Variants in CPS1 observed in about 807,000 individuals in gnomAD.
The protein encoded by CPS1 is carbamoyl-phosphate synthase [ammonia], mitochondrial.
In CPS1, 109 loss-of-function variants were observed where a neutral mutation model predicts 174.6. The ratio of observed to expected loss-of-function variants is 0.62; its 90% CI spans 0.53 to 0.73. CPS1 has a LOEUF of 0.73. Among genes scored for constraint, CPS1 ranks in the 30% least tolerant of loss-of-function variants. The pLI, the probability that CPS1 is intolerant of heterozygous loss-of-function variation, is 0.00. For synonymous variants in CPS1, 637 were observed against 632.0 expected (o/e 1.01, Z -0.12); for missense variants, 1,689 against 1,821.9 (o/e 0.93, Z 1.33).
At chr2:210,656,692 G>GTTT in intron 30 of CPS1, 60 bp downstream of exon 30, 1 of 1,132,286 alleles carries the variant, frequency 8.8e-7, no homozygotes, top group Non-Finnish European at 1.3e-6. Flanking sequence ...AAACACCTAA[G>GTTT]GTTTTTTTTT....
At chr2:210,488,552 A>G (rs963536151) in intron 1 of CPS1, among the ~76,000 whole-genome samples, 1 of 152,022 alleles carries the variant, frequency 6.6e-6, no homozygotes, top group East Asian at 1.9e-4. Flanking sequence ...TCCTCTATCT[A>G]CTTTTGCTGC....
At chr2:210,676,592 T>A (rs1701544168) in intron 36 of CPS1, among the ~76,000 whole-genome samples, 1 of 152,192 alleles carries the variant, frequency 6.6e-6, no homozygotes, top group Admixed American at 6.5e-5. Context: ...AAGGATGTAA[T>A]AGCTCCGTGT....
At chr2:210,563,250 G>C (rs1000256855) in intron 1 of CPS1, among the ~76,000 whole-genome samples, 1 of 152,030 alleles carries the variant, frequency 6.6e-6, no homozygotes. Flanking sequence ...TTTACATACT[G>C]AATGTTATGG....
chr2:210,590,928 T>A, intron 9 of CPS1, 22 bp downstream of exon 9: 1 of 1,590,644 alleles, frequency 6.3e-7, no homozygotes, highest in Non-Finnish European at 8.6e-7. Flanking sequence ...TCACTTTTGC[T>A]TACAGTAAAC....
Position 210,510,924 on chromosome 2 carries a change from C to A in CPS1, c.3+33158C>A, listed in dbSNP as rs553845359. On this transcript the variant is annotated intron_variant, in intron 1 of 38. Transcript: ENST00000430249. ...GTGGAGAAATAGGAACAATTTTACA[C>A]TGTTGGTGGGACTGTAAACTAGTTC... Among the ~76,000 whole-genome samples the A allele has an allele frequency of 4.6e-5, 7 of 152,316 alleles. No homozygotes were observed. In the East Asian group the frequency reaches 9.6e-4, roughly 21 times the overall value.
chr2:210,536,325 T>A (rs1325040030), intron 1 of CPS1, among the ~76,000 whole-genome samples: 1 of 149,194 alleles, frequency 6.7e-6, no homozygotes, highest in African/African-American at 2.5e-5. Flanking sequence ...AGGTACTTTT[T>A]TTTTTTTTTT....
At chr2:210,557,633 T>G (rs1696956475) in intron 1 of CPS1, among the ~76,000 whole-genome samples, 2 of 152,112 alleles carry the variant, frequency 1.3e-5, no homozygotes, top group African/African-American at 2.4e-5. Flanking sequence ...CTGAAGTTAC[T>G]CCATAGGAAC....
At chr2:210,586,419 C>G (rs191649494) in intron 6 of CPS1, among the ~76,000 whole-genome samples, 1 of 152,126 alleles carries the variant, frequency 6.6e-6, no homozygotes, top group African/African-American at 2.4e-5. Context: ...GTTTGAAACA[C>G]AGCATGATAG....
intron 1 of CPS1, among the ~76,000 whole-genome samples, chr2:210,486,614 G>A (rs1002212768): frequency 8.5e-5 from 13 of 152,156 alleles, no homozygotes; most frequent in Non-Finnish European, 1.8e-4. Flanking sequence ...GGGTTCAAGC[G>A]ATTCTCCTGC....
chr2:210,606,544 T>A (rs541033995), intron 17 of CPS1, among the ~76,000 whole-genome samples, 187 bp from the exon 18 acceptor site: 7 of 151,286 alleles, frequency 4.6e-5, no homozygotes, highest in Non-Finnish European at 1.0e-4. Context: ...GTTAGAGAGG[T>A]TTCTAAAAGT....
chr2:210,540,398 T>C (rs1259198225), intron 1 of CPS1, among the ~76,000 whole-genome samples: 1 of 152,206 alleles, frequency 6.6e-6, no homozygotes, highest in Non-Finnish European at 1.5e-5. Context: ...TGAATATCTA[T>C]ATATCTATGT....
chr2:210,611,484 C>T (rs1476475271), intron 19 of CPS1, among the ~76,000 whole-genome samples: 1 of 151,842 alleles, frequency 6.6e-6, no homozygotes, highest in African/African-American at 2.4e-5. Context: ...ACTAAATCAC[C>T]ACATAATTTT....
intron 21 of CPS1, among the ~76,000 whole-genome samples, chr2:210,636,727 C>T (rs1026794420): frequency 3.9e-5 from 6 of 151,972 alleles, no homozygotes; most frequent in Non-Finnish European, 5.9e-5. Flanking sequence ...TGGATGACAG[C>T]AAACCAAAAG....
At chr2:210,639,259 A>G in intron 23 of CPS1, 44 bp downstream of exon 23, 1 of 1,385,396 alleles carries the variant, frequency 7.2e-7, no homozygotes, top group Non-Finnish European at 1.0e-6. Flanking sequence ...TCTAGATTTC[A>G]TAGACAGTTC....
At chr2:210,526,366 G>A (rs1695972916) in intron 1 of CPS1, among the ~76,000 whole-genome samples, 1 of 141,208 alleles carries the variant, frequency 7.1e-6, no homozygotes, top group Non-Finnish European at 1.5e-5. Flanking sequence ...ATGTATCCCA[G>A]ACCTTAAAAT....
intron 1 of CPS1, among the ~76,000 whole-genome samples, chr2:210,558,830 T>A (rs1697007606): frequency 6.6e-6 from 1 of 152,054 alleles, no homozygotes; most frequent in South Asian, 2.1e-4. Flanking sequence ...TGGTGACAGA[T>A]CTGTTTCAAG....
intron 1 of CPS1, among the ~76,000 whole-genome samples, chr2:210,543,365 G>T (rs1696481903): frequency 6.6e-6 from 1 of 151,922 alleles, no homozygotes; most frequent in South Asian, 2.1e-4. Flanking sequence ...TTGCCTTTCA[G>T]ATCTCTCCTG....
At chr2:210,555,827 T>G (rs766828136), upstream of CPS1, among the ~76,000 whole-genome samples, 8 of 152,034 alleles carry the variant, frequency 5.3e-5, no homozygotes, top group South Asian at 2.1e-4. Context: ...TGAATCACTT[T>G]TTATTCATGT....
intron 1 of CPS1, among the ~76,000 whole-genome samples, chr2:210,571,406 C>T (rs946831843): frequency 6.6e-6 from 1 of 151,866 alleles, no homozygotes; most frequent in African/African-American, 2.4e-5. Context: ...CAGTAGAGTA[C>T]ATTGTTCAAT....
Sources: gnomAD v4.1 joint callset for allele counts (sites outside exome capture counted in the v4.1 genomes callset) on GRCh38, gnomAD v4.1.1 for gene constraint, MANE v1.5 for transcripts, NCBI Gene and HGNC (gene_info 2026-07-23, HGNC 2026-07-21) for gene names.